Variants in ZNF92 observed in about 807,000 individuals in gnomAD.
ZNF92 encodes zinc finger protein 92.
In ZNF92, 11 loss-of-function variants were observed where a neutral mutation model predicts 12.4. The observed-to-expected ratio is 0.89, with a 90% confidence interval of 0.56 to 1.47. The LOEUF is 1.47. Among genes scored for constraint, ZNF92 ranks in the 40% most tolerant of loss-of-function variants. ZNF92 has a pLI of 0.00. For missense variants in ZNF92, 622 were observed against 681.0 expected (o/e 0.91, Z 0.96); for synonymous variants, 206 against 228.6 (o/e 0.90, Z 0.89).
rs150793039 is a variant in ZNF92, at chr7:65,374,491, G to T, written c.3+491G>T. Among the ~76,000 whole-genome samples the T allele has an allele frequency of 2.4e-3, 360 of 152,134 alleles. 6 individuals carry two copies. The highest frequency in any genetic ancestry group is 8.2e-3 in the African/African-American group (341 of 41,482). On this transcript the variant is annotated intron_variant, in intron 1 of 3. Coordinates refer to ENST00000328747, the MANE Select transcript of ZNF92 (RefSeq NM_152626.4). ...AGCACCCAGCTATGATTTGTAGTTT[G>T]TGGTCCGTGGGAGGGGCTTGAAGGA...
At chr7:65,388,105 AT>A (rs756266289) in intron 2 of ZNF92, 77 bp downstream of exon 2, 17 of 1,477,580 alleles carry the variant, frequency 1.2e-5, no homozygotes, top group Non-Finnish European at 1.4e-5. Context: ...TTTTTTGGTA[AT>A]TTATGCTTTG....
At chr7:65,382,278 A>C (rs1793441963) in intron 1 of ZNF92, among the ~76,000 whole-genome samples, 1 of 151,942 alleles carries the variant, frequency 6.6e-6, no homozygotes, top group African/African-American at 2.4e-5. Context: ...TTGTGTAATA[A>C]AACAGTTTTC....
rs1417850735 is a variant in ZNF92 at position 65,399,919 on chromosome 7, C to T, written c.*44C>T. 6.8e-7 allele frequency: 1 copy of T among 1,480,772 alleles called. No homozygotes were observed. The highest frequency in any genetic ancestry group is 9.1e-7 in the Non-Finnish European group (1 of 1,104,220). The allele number at this position is 1,480,772 out of a possible 1,614,324, so 91.7% of individuals were successfully genotyped here. On this transcript the variant is annotated 3_prime_UTR_variant, in exon 4 of 4. Transcript: ENST00000328747. ...TCACTACACCTCAAACTTTTCTAAA[C>T]ATAAACCATATTGGTGCCCTAGAAA...
At position 65,399,942 on chromosome 7, in the gene ZNF92, A is replaced by T. The variant is rs1320541405; in HGVS notation, c.*67A>T. The T allele has an allele frequency of 8.2e-6, 11 of 1,338,516 alleles. No individual in the cohort carries two copies. The highest frequency in any genetic ancestry group is 1.1e-5 in the Non-Finnish European group (11 of 984,092). 82.9% of individuals were successfully genotyped at this position (1,338,516 alleles called of 1,614,324 possible). On this transcript the variant is annotated 3_prime_UTR_variant, in exon 4 of 4. Coordinates refer to ENST00000328747, the MANE Select transcript of ZNF92 (RefSeq NM_152626.4). Reference sequence around the variant, plus strand: ...AACATAAACCATATTGGTGCCCTAGAAATGTGAGGAATATGACAAGGACTT... The same window carrying T: ...AACATAAACCATATTGGTGCCCTAGTAATGTGAGGAATATGACAAGGACTT...
chr7:65,399,289 C>T lies in ZNF92; in HGVS notation c.1175C>T (p.Thr392Met), dbSNP rs775659581. ...STLTKHKRIH[T>M]GEKPYKCEEC... ...CTTACTAAACATAAAAGAATTCATA[C>T]GGGAGAAAAACCCTACAAATGTGAA... The change falls in exon 4 of 4, where the codon ACG (threonine) becomes ATG (methionine). Residue 392 changes from threonine (T) to methionine (M), a missense_variant. Transcript: ENST00000328747. 9.9e-6 allele frequency: 16 copies of T among 1,611,470 alleles called. No individual in the cohort carries two copies. Among genetic ancestry groups the T allele is most frequent in the South Asian group, 3.3e-5 (3 of 90,924 alleles).
At chr7:65,377,058 TAATA>T (rs1409061997) in intron 1 of ZNF92, among the ~76,000 whole-genome samples, 3 of 152,122 alleles carry the variant, frequency 2.0e-5, no homozygotes, top group African/African-American at 7.2e-5. Flanking sequence ...TTAATGGAAA[TAATA>T]AAATAATAAA....
chr7:65,384,959 T>C (rs1448410370), intron 1 of ZNF92, among the ~76,000 whole-genome samples: 1 of 152,174 alleles, frequency 6.6e-6, no homozygotes, highest in Non-Finnish European at 1.5e-5. Context: ...TATTTGGACA[T>C]TGCTGGCCTC....
rs1793458642 is a variant in ZNF92 at position 65,382,819 on chromosome 7, G to A, written c.4-5083G>A. On this transcript the variant is annotated intron_variant, in intron 1 of 3. Transcript: ENST00000328747. ...TAGCGGCTCCACATTCTGAATCTGGGTCTTGCAGTAAACCTTTTATCTGAG... is the reference window on the plus strand; with the variant it reads ...TAGCGGCTCCACATTCTGAATCTGGATCTTGCAGTAAACCTTTTATCTGAG... Among the ~76,000 whole-genome samples, 4 of 152,132 alleles carry A rather than the reference G, an allele frequency of 2.6e-5. 1 individual carries two copies. In the South Asian group the frequency reaches 8.3e-4, roughly 32 times the overall value.
rs201689307 is a variant in ZNF92 at position 65,388,903 on chromosome 7, T to G, written c.226+2T>G. 6.6e-5 allele frequency: 104 copies of G among 1,572,104 alleles called. 1 individual carries two copies. The highest frequency in any genetic ancestry group is 9.0e-5 in the Non-Finnish European group (104 of 1,155,150). On this transcript the variant is annotated splice_donor_variant, in intron 3 of 3. Coordinates refer to ENST00000328747, the MANE Select transcript of ZNF92 (RefSeq NM_152626.4). LOFTEE classifies it high-confidence loss of function. ...ATGAGATGGTAGACAAAACCCCAGG[T>G]AGGTGACAGTTAATACAACAGACAA...
At position 65,388,003 on chromosome 7, in the gene ZNF92, G is replaced by C; in HGVS notation, c.105G>C (p.Glu35Asp). 6.2e-7 allele frequency: 1 copy of C among 1,607,870 alleles called. No homozygotes were observed. The highest frequency in any genetic ancestry group is 8.5e-7 in the Non-Finnish European group (1 of 1,177,034). The change falls in exon 2 of 4, where the codon GAG (glutamate) becomes GAC (aspartate). Residue 35 changes from glutamate (E) to aspartate (D), a missense_variant. Transcript: ENST00000328747. ...QRNLYRDVML[E>D]NYRNLVFLGI... ...ATTTATATAGAGATGTGATGTTAGA[G>C]AACTACAGAAACCTGGTCTTCCTTG...
intron 3 of ZNF92, 41 bp from the exon 4 acceptor site, chr7:65,398,300 G>A (rs1183092492): frequency 6.9e-7 from 1 of 1,443,504 alleles, no homozygotes; most frequent in East Asian, 2.3e-5. Flanking sequence ...ATTCATCTGA[G>A]TCTAGTAAGT....
rs374916997 is a variant in ZNF92, at chr7:65,390,876, C to T, written c.226+1975C>T. ...TGCATGGCTATAAATGGTTGTCTTC[C>T]TCCAGGCCGCTGGAAGGGCAGGACC... On this transcript the variant is annotated intron_variant, in intron 3 of 3. Coordinates refer to ENST00000328747, the MANE Select transcript of ZNF92 (RefSeq NM_152626.4). Among the ~76,000 whole-genome samples the T allele has an allele frequency of 9.9e-5, 15 of 152,184 alleles. 1 individual carries two copies. The East Asian group carries it at 1.3e-3, about 14-fold the overall frequency.
chr7:65,388,145 A>C (rs1793623324), intron 2 of ZNF92, 117 bp downstream of exon 2: 2 of 1,154,540 alleles, frequency 1.7e-6, no homozygotes, highest in Admixed American at 5.3e-5. Context: ...CCCAGTTTTC[A>C]AGAAAACAGA....
chr7:65,399,867 C>G lies in ZNF92; in HGVS notation c.1753C>G (p.Gln585Glu). Reference protein sequence around the residue: ...KSSNYTKEKLQT With the variant: ...KSSNYTKEKLET ...CTCAAATTATACTAAAGAGAAACTACAAACCTGAAAGATGTGACAATGATT... is the reference window on the plus strand; with the variant it reads ...CTCAAATTATACTAAAGAGAAACTAGAAACCTGAAAGATGTGACAATGATT... The change falls in exon 4 of 4, where the codon CAA becomes GAA. Residue 585 changes from glutamine to glutamate, a missense_variant. Coordinates refer to ENST00000328747, the MANE Select transcript of ZNF92 (RefSeq NM_152626.4). 6.4e-7 allele frequency: 1 copy of G among 1,567,538 alleles called. No individual in the cohort carries two copies. Among genetic ancestry groups the G allele is most frequent in the Non-Finnish European group, 8.6e-7 (1 of 1,159,750 alleles).
rs759631680 is a variant in ZNF92 at position 65,399,035 on chromosome 7, T to C, written c.921T>C (p.His307=). The C allele has an allele frequency of 6.2e-7, 1 of 1,613,374 alleles. No homozygotes were observed. Among genetic ancestry groups the C allele is most frequent in the Admixed American group, 1.7e-5 (1 of 59,924 alleles). ...TTCTTAATAAACATAAGAGAATTCA[T>C]ATGGAAGATAAACCCTACAAATGTG... is the stretch of plus-strand genomic sequence containing the variant. The part of the protein sequence containing the change: ...FSILNKHKRI[H]MEDKPYKCEE... The change falls in exon 4 of 4, where the codon CAT becomes CAC. Residue 307 remains histidine, a synonymous_variant. Transcript: ENST00000328747.
chr7:65,375,645 C>T (rs965527052), intron 1 of ZNF92, among the ~76,000 whole-genome samples: 4 of 151,568 alleles, frequency 2.6e-5, no homozygotes, highest in South Asian at 2.1e-4. Flanking sequence ...ACCTGGAGAT[C>T]GAGACCATCC....
intron 1 of ZNF92, 79 bp downstream of exon 1, chr7:65,374,079 C>T (rs1793166639): frequency 1.3e-6 from 2 of 1,591,686 alleles, no homozygotes; most frequent in Non-Finnish European, 1.7e-6. Context: ...TGGCGGGCCT[C>T]GGGCCTTCCC....
intron 1 of ZNF92, among the ~76,000 whole-genome samples, chr7:65,381,213 C>G (rs1584276247): frequency 6.6e-6 from 1 of 151,850 alleles, no homozygotes; most frequent in Non-Finnish European, 1.5e-5. Flanking sequence ...GGGGGTTTCA[C>G]CATATTGGCC....
chr7:65,389,900 C>T (rs1436899542), intron 3 of ZNF92, among the ~76,000 whole-genome samples: 3 of 151,748 alleles, frequency 2.0e-5, no homozygotes, highest in Admixed American at 6.6e-5. Flanking sequence ...GGTGCAATCT[C>T]GGCTCACTGC....
Sources: gnomAD v4.1 joint callset for allele counts (sites outside exome capture counted in the v4.1 genomes callset) on GRCh38, gnomAD v4.1.1 for gene constraint, MANE v1.5 for transcripts, NCBI Gene and HGNC (gene_info 2026-07-23, HGNC 2026-07-21) for gene names.